Variants in RHOU observed in about 807,000 individuals in gnomAD.
The protein encoded by RHOU is ras homolog family member U.
Under a neutral mutation model 12.6 loss-of-function variants are expected in RHOU, and 8 were observed. That is an observed-to-expected ratio of 0.64 (90% CI 0.37 to 1.15). The LOEUF (loss-of-function observed/expected upper bound fraction) is 1.15, where lower values mean the gene tolerates loss of function less well. RHOU is among the 50% of genes most tolerant of loss of function. RHOU has a pLI of 0.01. For missense variants in RHOU, 258 were observed against 347.0 expected (o/e 0.74, Z 2.04); for synonymous variants, 161 against 147.4 (o/e 1.09, Z -0.67).
the RHOU span, among the ~76,000 whole-genome samples, chr1:228,663,600 T>TTTTTCTTTTC: frequency 0.01 from 937 of 89,952 alleles, 25 homozygotes; most frequent in African/African-American, 0.019. Context: ...TTCTTTTCTG[T>TTTTTCTTTTC]TTTTCTTTTC....
intron 1 of RHOU, 50 bp downstream of exon 1, chr1:228,736,054 C>T: frequency 6.5e-7 from 1 of 1,542,564 alleles, no homozygotes; most frequent in Non-Finnish European, 8.7e-7. Flanking sequence ...GCGGTCCACC[C>T]AGGGGAAGGA....
At chr1:228,660,115 C>A in the RHOU span, among the ~76,000 whole-genome samples, 1 of 152,026 alleles carries the variant, frequency 6.6e-6, no homozygotes, top group Non-Finnish European at 1.5e-5. Flanking sequence ...GATCACACCA[C>A]TGTGCTCCAG....
chr1:228,723,803 C>G, the RHOU span, among the ~76,000 whole-genome samples: 22 of 152,208 alleles, frequency 1.4e-4, no homozygotes, highest in Admixed American at 3.3e-4. Context: ...TTACGTTGAC[C>G]TACATGTATT....
the RHOU span, among the ~76,000 whole-genome samples, chr1:228,676,763 A>G: frequency 6.6e-6 from 1 of 152,176 alleles, no homozygotes; most frequent in South Asian, 2.1e-4. Flanking sequence ...CTCACAAAGT[A>G]CATTCTCAAG....
chr1:228,670,050 G>T, the RHOU span, among the ~76,000 whole-genome samples: 1 of 152,182 alleles, frequency 6.6e-6, no homozygotes, highest in Non-Finnish European at 1.5e-5. Context: ...TTGGCAATGG[G>T]ATAAATAAAG....
At chr1:228,666,289 T>C in the RHOU span, among the ~76,000 whole-genome samples, 1 of 152,050 alleles carries the variant, frequency 6.6e-6, no homozygotes, top group African/African-American at 2.4e-5. Flanking sequence ...AAATTTATTT[T>C]ATTTTTTCCT....
chr1:228,725,869 G>A, the RHOU span, among the ~76,000 whole-genome samples: 1 of 152,116 alleles, frequency 6.6e-6, no homozygotes, highest in Non-Finnish European at 1.5e-5. Flanking sequence ...AATTACTTTA[G>A]TGAGTAGATA....
At chr1:228,670,424 C>T in the RHOU span, among the ~76,000 whole-genome samples, 1 of 152,190 alleles carries the variant, frequency 6.6e-6, no homozygotes, top group Admixed American at 6.5e-5. Context: ...GTAAATCAGT[C>T]CTTCCAACAA....
the RHOU span, among the ~76,000 whole-genome samples, chr1:228,721,293 A>G: frequency 1.3e-5 from 2 of 152,202 alleles, no homozygotes; most frequent in Admixed American, 1.3e-4. Flanking sequence ...CACAGATTCC[A>G]TCGCAAAAAA....
the RHOU span, among the ~76,000 whole-genome samples, chr1:228,659,100 C>T: frequency 1.3e-5 from 2 of 152,066 alleles, no homozygotes; most frequent in Admixed American, 6.6e-5. Flanking sequence ...AACAAAAAGC[C>T]GAGCGTCATG....
intron 2 of RHOU, among the ~76,000 whole-genome samples, chr1:228,741,782 A>G (rs1662724592): frequency 6.6e-6 from 1 of 152,190 alleles, no homozygotes; most frequent in South Asian, 2.1e-4. Flanking sequence ...AACTGTGACT[A>G]TAGGCACGTG....
chr1:228,665,969 CT>C, the RHOU span, among the ~76,000 whole-genome samples: 20 of 149,946 alleles, frequency 1.3e-4, no homozygotes, highest in East Asian at 3.1e-3. Flanking sequence ...TAGAAGTGTT[CT>C]TTTTTTTTTG....
At chr1:228,718,865 G>C in the RHOU span, among the ~76,000 whole-genome samples, 3 of 152,180 alleles carry the variant, frequency 2.0e-5, no homozygotes, top group Non-Finnish European at 2.9e-5. Context: ...CTGCAGGAGG[G>C]AGTGCATCTC....
At chr1:228,651,606 A>G in the RHOU span, among the ~76,000 whole-genome samples, 2 of 152,202 alleles carry the variant, frequency 1.3e-5, no homozygotes, top group Non-Finnish European at 2.9e-5. Context: ...CGTGCTGACT[A>G]CTGTACTTCC....
chr1:228,653,274 G>A, the RHOU span, among the ~76,000 whole-genome samples: 1 of 152,140 alleles, frequency 6.6e-6, no homozygotes, highest in Non-Finnish European at 1.5e-5. Flanking sequence ...TCATGCCTCA[G>A]CCTTATGAAT....
At chr1:228,702,340 A>G in the RHOU span, among the ~76,000 whole-genome samples, 2 of 152,184 alleles carry the variant, frequency 1.3e-5, no homozygotes, top group African/African-American at 4.8e-5. Flanking sequence ...TCTGGGTCCT[A>G]AATTTACATA....
the RHOU span, among the ~76,000 whole-genome samples, chr1:228,722,964 G>C: frequency 3.9e-5 from 6 of 152,218 alleles, no homozygotes; most frequent in African/African-American, 1.4e-4. Context: ...CAATGCTCCA[G>C]GTAGATCATG....
chr1:228,729,138 C>A, the RHOU span, among the ~76,000 whole-genome samples: 1 of 152,138 alleles, frequency 6.6e-6, no homozygotes, highest in Non-Finnish European at 1.5e-5. Flanking sequence ...TCATGATCCA[C>A]CTGCCTGGGC....
the RHOU span, among the ~76,000 whole-genome samples, chr1:228,708,488 AGT>A: frequency 1.3e-5 from 2 of 151,644 alleles, no homozygotes; most frequent in Non-Finnish European, 2.9e-5. Flanking sequence ...GCCAGAAGAG[AGT>A]GGGGGCCAAT....
Sources: allele counts gnomAD v4.1 joint callset (sites outside exome capture counted in the v4.1 genomes callset), GRCh38; gene constraint gnomAD v4.1.1; transcripts MANE v1.5; gene names NCBI Gene and HGNC (gene_info 2026-07-23, HGNC 2026-07-21).